CNTN6: variants seen among roughly 807,000 people sequenced by gnomAD.
The protein encoded by CNTN6 is contactin-6.
Under a neutral mutation model 122.8 loss-of-function variants are expected in CNTN6, and 137 were observed. The ratio of observed to expected loss-of-function variants is 1.12; its 90% confidence interval spans 0.97 to 1.29. CNTN6 has a LOEUF of 1.29. Ranked by LOEUF, CNTN6 falls within the 50% of genes most tolerant of loss-of-function variation. CNTN6 has a pLI of 0.00. For missense variants in CNTN6, 1,634 were observed against 1,223.4 expected (o/e 1.34, Z -5.01); for synonymous variants, 570 against 426.0 (o/e 1.34, Z -4.16).
At chr3:1,317,975 A>G (rs897579333) in intron 7 of CNTN6, among the ~76,000 whole-genome samples, 3 of 151,728 alleles carry the variant, frequency 2.0e-5, no homozygotes, top group Non-Finnish European at 4.4e-5. Context: ...AAATGGAACA[A>G]TATAACTTTT....
At chr3:1,352,898 C>A (rs538120541) in intron 12 of CNTN6, among the ~76,000 whole-genome samples, 3 of 151,728 alleles carry the variant, frequency 2.0e-5, no homozygotes, top group African/African-American at 7.2e-5. Context: ...TAATGAAATG[C>A]AGGGTCACAA....
chr3:1,141,352 G>A (rs1425991545), intron 1 of CNTN6, among the ~76,000 whole-genome samples: 1 of 152,154 alleles, frequency 6.6e-6, no homozygotes, highest in Non-Finnish European at 1.5e-5. Flanking sequence ...TAGTATCAAA[G>A]CAATGTTGCT....
chr3:1,248,281 G>A (rs1430273762), intron 4 of CNTN6, among the ~76,000 whole-genome samples: 1 of 152,086 alleles, frequency 6.6e-6, no homozygotes, highest in African/African-American at 2.4e-5. Flanking sequence ...AGCAGTGAGG[G>A]AATAATGGGA....
chr3:1,216,150 CTT>C (rs550009055), intron 2 of CNTN6, among the ~76,000 whole-genome samples: 13 of 146,530 alleles, frequency 8.9e-5, no homozygotes, highest in African/African-American at 3.2e-4. Flanking sequence ...CCCCACTTTA[CTT>C]TTTTTTTTTT....
intron 7 of CNTN6, among the ~76,000 whole-genome samples, chr3:1,315,656 T>G (rs1699996291): frequency 1.3e-5 from 2 of 151,978 alleles, no homozygotes; most frequent in South Asian, 4.1e-4. Context: ...TCCTTCAGTT[T>G]GGAGAGCACT....
At chr3:1,382,511 T>C (rs972709548) in intron 17 of CNTN6, among the ~76,000 whole-genome samples, 3 of 152,202 alleles carry the variant, frequency 2.0e-5, no homozygotes, top group African/African-American at 7.2e-5. Context: ...GTAATTCCAT[T>C]ACACATGTCT....
At chr3:1,104,188 G>A (rs1315609149) in intron 1 of CNTN6, among the ~76,000 whole-genome samples, 2 of 152,036 alleles carry the variant, frequency 1.3e-5, no homozygotes, top group Non-Finnish European at 2.9e-5. Flanking sequence ...GGCTAACATT[G>A]TTAATTTTCG....
In CNTN6 at chr3:1,220,831, G is replaced by A. The variant is rs2094198148; in HGVS notation, c.182+18G>A. ...CATTATAGGTAAAATCCTACCTGTG[G>A]GCACCACACTATTTTGTTCTTCCTC... On this transcript the variant is annotated intron_variant, in intron 3 of 22. Coordinates refer to ENST00000446702, the MANE Select transcript of CNTN6 (RefSeq NM_001289080.2). 7 of 1,577,588 alleles carry A rather than the reference G, an allele frequency of 4.4e-6. No homozygotes were observed. Among genetic ancestry groups the A allele is most frequent in the Admixed American group, 3.9e-5 (2 of 51,942 alleles).
At chr3:1,129,006 T>C (rs1308147142) in intron 1 of CNTN6, among the ~76,000 whole-genome samples, 1 of 152,028 alleles carries the variant, frequency 6.6e-6, no homozygotes, top group Non-Finnish European at 1.5e-5. Flanking sequence ...TTTTTCTTTT[T>C]AGTGTTTATG....
chr3:1,292,305 C>G lies in CNTN6; in HGVS notation c.455-3296C>G, dbSNP rs578154933. The stretch of plus-strand genomic sequence containing the variant: ...GACAGCTGTAATATGCTTCCAGAAT[C>G]TTTTTTTCCAGAGGCAAAATCAAAG... On this transcript the variant is annotated intron_variant, in intron 5 of 22. Coordinates refer to ENST00000446702, the MANE Select transcript of CNTN6 (RefSeq NM_001289080.2). Among the ~76,000 whole-genome samples, 3 of 152,196 alleles carry G rather than the reference C, an allele frequency of 2.0e-5. No individual in the cohort carries two copies. The East Asian group carries it at 5.8e-4, about 29-fold the overall frequency.
intron 1 of CNTN6, among the ~76,000 whole-genome samples, chr3:1,118,165 A>T (rs940064431): frequency 1.3e-5 from 2 of 152,172 alleles, no homozygotes; most frequent in East Asian, 1.9e-4. Context: ...ATACGAGGAA[A>T]GTTCATTTAT....
At chr3:1,259,118 G>GTCCT (rs1305970226) in intron 4 of CNTN6, among the ~76,000 whole-genome samples, 1 of 152,104 alleles carries the variant, frequency 6.6e-6, no homozygotes, top group Non-Finnish European at 1.5e-5. Flanking sequence ...TTATAGATGT[G>GTCCT]TCCTACCAAT....
intron 1 of CNTN6, among the ~76,000 whole-genome samples, chr3:1,131,347 G>C (rs2092330890): frequency 6.6e-6 from 1 of 152,076 alleles, no homozygotes; most frequent in Non-Finnish European, 1.5e-5. Flanking sequence ...GATACCAGCA[G>C]GAGCTATATG....
chr3:1,343,346 C>G (rs1254817424), intron 11 of CNTN6, among the ~76,000 whole-genome samples: 1 of 152,104 alleles, frequency 6.6e-6, no homozygotes, highest in Non-Finnish European at 1.5e-5. Context: ...TGTTCAAAGG[C>G]CAACTCCATT....
intron 2 of CNTN6, among the ~76,000 whole-genome samples, chr3:1,178,733 G>A (rs1221566211): frequency 6.6e-6 from 1 of 152,168 alleles, no homozygotes; most frequent in Non-Finnish European, 1.5e-5. Context: ...GGTCGTTAGT[G>A]TGGAAGTTTG....
At chr3:1,126,559 T>C (rs1452453883) in intron 1 of CNTN6, among the ~76,000 whole-genome samples, 2 of 151,908 alleles carry the variant, frequency 1.3e-5, no homozygotes, top group Admixed American at 1.3e-4. Context: ...CCTATTTTCC[T>C]ACTGTCTGTC....
At chr3:1,333,373 A>T (rs902347078) in intron 11 of CNTN6, among the ~76,000 whole-genome samples, 3 of 152,064 alleles carry the variant, frequency 2.0e-5, no homozygotes, top group African/African-American at 7.2e-5. Context: ...ACATTTTTTA[A>T]TGCCACACCA....
intron 2 of CNTN6, among the ~76,000 whole-genome samples, chr3:1,182,095 G>A (rs1347651096): frequency 1.3e-5 from 2 of 151,860 alleles, no homozygotes; most frequent in African/African-American, 2.4e-5. Flanking sequence ...TAATTTCAAG[G>A]TATTTTTATA....
intron 4 of CNTN6, among the ~76,000 whole-genome samples, chr3:1,232,118 T>C (rs1465637730): frequency 6.6e-6 from 1 of 152,236 alleles, no homozygotes; most frequent in East Asian, 1.9e-4. Flanking sequence ...ATCACTCAGA[T>C]GTAATTTTTA....
Sources: gnomAD v4.1 joint callset for allele counts (sites outside exome capture counted in the v4.1 genomes callset) on GRCh38, gnomAD v4.1.1 for gene constraint, MANE v1.5 for transcripts, NCBI Gene and HGNC (gene_info 2026-07-23, HGNC 2026-07-21) for gene names.